SLC26A7: variants seen among roughly 807,000 people sequenced by gnomAD.
SLC26A7 encodes the protein solute carrier family 26 member 7, also known as anion exchange transporter.
Under a neutral mutation model 82.5 loss-of-function variants are expected in SLC26A7, and 59 were observed. The ratio of observed to expected loss-of-function variants is 0.72; its 90% CI spans 0.58 to 0.89. The LOEUF (loss-of-function observed/expected upper bound fraction) is 0.89, where lower values mean the gene tolerates loss of function less well. SLC26A7 is among the 40% of genes least tolerant of loss of function. The probability of loss-of-function intolerance (pLI) is 0.00; values close to 1 mark genes in which losing one functional copy is unlikely to be tolerated. For synonymous variants in SLC26A7, 271 were observed against 274.3 expected, an observed-to-expected ratio of 0.99 and a Z score of 0.12; for missense variants, 820 against 793.0, an observed-to-expected ratio of 1.03 and a Z score of -0.41.
intron 2 of SLC26A7, among the ~76,000 whole-genome samples, chr8:91,233,384 T>G (rs1810340948): frequency 6.6e-6 from 1 of 151,870 alleles, no homozygotes; most frequent in Admixed American, 6.6e-5. Flanking sequence ...CTGACTAACA[T>G]GGCAAAACGC....
intron 15 of SLC26A7, among the ~76,000 whole-genome samples, chr8:91,378,244 A>T (rs1490369569): frequency 6.6e-6 from 1 of 151,684 alleles, no homozygotes; most frequent in African/African-American, 2.4e-5. Flanking sequence ...CCAAATCATT[A>T]CCTAAACACT....
intron 4 of SLC26A7, among the ~76,000 whole-genome samples, chr8:91,304,303 T>C (rs938501218): frequency 1.4e-4 from 21 of 152,300 alleles, no homozygotes; most frequent in Non-Finnish European, 2.1e-4. Context: ...TGGGAAGTGA[T>C]TGGATCATGG....
At chr8:91,369,872 A>G (rs1586462810) in intron 15 of SLC26A7, 39 bp downstream of exon 15, 1 of 1,498,736 alleles carries the variant, frequency 6.7e-7, no homozygotes, top group Non-Finnish European at 9.2e-7. Flanking sequence ...CTAAGTGTTT[A>G]CCTTGAAGAT....
chr8:91,377,349 G>A lies in SLC26A7; in HGVS notation c.1675+7516G>A, dbSNP rs547623064. 2.6e-5 allele frequency among the ~76,000 whole-genome samples: 4 copies of A among 152,200 alleles called. No homozygotes were observed. The South Asian group carries it at 8.3e-4, about 32-fold the overall frequency. The stretch of plus-strand genomic sequence containing the variant: ...ATCTACGTTTCCTTTGTCCCAGGGG[G>A]GCTTTGGTGAGCTGAGTGCCCACCC... On this transcript the variant is annotated intron_variant, in intron 15 of 18. Transcript: ENST00000276609.
intron 5 of SLC26A7, among the ~76,000 whole-genome samples, chr8:91,322,098 C>T (rs1483632476): frequency 2.6e-5 from 4 of 152,074 alleles, no homozygotes; most frequent in Non-Finnish European, 4.4e-5. Context: ...CTATAGAGGA[C>T]TCTTAATCAG....
intron 4 of SLC26A7, among the ~76,000 whole-genome samples, chr8:91,317,360 C>T (rs79335900): frequency 0.017 from 2,607 of 152,198 alleles, 67 homozygotes; most frequent in African/African-American, 0.058. Flanking sequence ...GATTTGTGGG[C>T]TTCTCAACAC....
intron 15 of SLC26A7, among the ~76,000 whole-genome samples, chr8:91,381,918 C>T (rs1814680676): frequency 6.6e-6 from 1 of 152,020 alleles, no homozygotes; most frequent in Non-Finnish European, 1.5e-5. Context: ...TGATTCTGTC[C>T]TTAATTATGT....
intron 15 of SLC26A7, among the ~76,000 whole-genome samples, chr8:91,387,484 T>G (rs1308405180): frequency 2.6e-5 from 4 of 152,208 alleles, no homozygotes; most frequent in Admixed American, 1.3e-4. Context: ...AAGGCACTAC[T>G]GGAGTACCTG....
chr8:91,250,681 A>C (rs1461961267), intron 2 of SLC26A7, among the ~76,000 whole-genome samples: 1 of 152,104 alleles, frequency 6.6e-6, no homozygotes, highest in African/African-American at 2.4e-5. Context: ...CTGCAGGCTT[A>C]TATTTCCTTG....
In SLC26A7 at chr8:91,334,390, G is replaced by A; in HGVS notation, c.738G>A (p.Glu246=). 2 of 1,613,304 alleles carry A rather than the reference G, an allele frequency of 1.2e-6. No individual in the cohort carries two copies. Among genetic ancestry groups the A allele is most frequent in the African/African-American group, 1.3e-5 (1 of 75,014 alleles). The change falls in exon 6 of 19, where the codon GAG becomes GAA. Residue 246 remains glutamate (E), a synonymous_variant. Transcript: ENST00000276609. The stretch of plus-strand genomic sequence containing the variant: ...TTGTGGTCCTTGTTCTTGTTAAAGA[G>A]CTGAATGAACAGTTTAAAAGGAAAA... ...LSIVVLVLVK[E]LNEQFKRKIK... is the part of the protein sequence containing the mutation.
intron 4 of SLC26A7, among the ~76,000 whole-genome samples, chr8:91,312,241 A>G (rs866325942): frequency 6.6e-6 from 1 of 152,164 alleles, no homozygotes; most frequent in Non-Finnish European, 1.5e-5. Context: ...TTTATTTAGC[A>G]TAATGTCCTC....
chr8:91,288,804 T>C (rs1204797123), intron 2 of SLC26A7, among the ~76,000 whole-genome samples: 2 of 152,220 alleles, frequency 1.3e-5, no homozygotes, highest in Admixed American at 6.5e-5. Context: ...TGTGAAATGC[T>C]TCTAAAATTT....
intron 11 of SLC26A7, among the ~76,000 whole-genome samples, chr8:91,361,850 G>C (rs757059228): frequency 1.3e-5 from 2 of 152,092 alleles, no homozygotes; most frequent in Non-Finnish European, 2.9e-5. Flanking sequence ...TCTAAAAGTG[G>C]CACTGGCAGT....
Position 91,284,206 on chromosome 8 carries a change from T to C in SLC26A7, c.194-4930T>C, listed in dbSNP as rs755419426. ...TTTCTGAGTGGTAATTTCTCTGTCATTGGTCACAAATAAGGTGGGTTAGAT... is the reference window on the plus strand; with the variant it reads ...TTTCTGAGTGGTAATTTCTCTGTCACTGGTCACAAATAAGGTGGGTTAGAT... On this transcript the variant is annotated intron_variant, in intron 2 of 18. Coordinates refer to ENST00000276609, the MANE Select transcript of SLC26A7 (RefSeq NM_052832.4). Among the ~76,000 whole-genome samples the C allele has an allele frequency of 3.2e-4, 49 of 152,296 alleles. 1 individual carries two copies. The highest frequency in any genetic ancestry group is 6.8e-3 in the Middle Eastern group (2 of 294).
At chr8:91,342,359 T>C (rs911116091) in intron 8 of SLC26A7, among the ~76,000 whole-genome samples, 1 of 152,240 alleles carries the variant, frequency 6.6e-6, no homozygotes, top group Non-Finnish European at 1.5e-5. Flanking sequence ...CAGCATTTGC[T>C]TTCCACCACC....
Position 91,366,589 on chromosome 8 carries a change from C to T in SLC26A7, c.1498C>T (p.Gln500Ter), listed in dbSNP as rs774517670. 1.4e-5 allele frequency: 22 copies of T among 1,612,624 alleles called. No homozygotes were observed. In the East Asian group the frequency reaches 4.5e-4, roughly 33 times the overall value. Residue 500 changes from glutamine (Q) to a stop codon, truncating the protein, a stop_gained, in exon 14 of 19, where the codon CAG (glutamine) becomes TAG (stop). Transcript: ENST00000276609. LOFTEE classifies it high-confidence loss of function. Reference protein sequence around the residue: ...VKTEMDSETLQQVKIISINNP... With the variant: ...VKTEMDSETL ...TTTTCTCCTCCAAAAGGAAACCCTGCAGCAGGTGAAAATTATCTCAATAAA... is the reference window on the plus strand; with the variant it reads ...TTTTCTCCTCCAAAAGGAAACCCTGTAGCAGGTGAAAATTATCTCAATAAA...
intron 2 of SLC26A7, among the ~76,000 whole-genome samples, chr8:91,223,475 T>C (rs770400984): frequency 8.5e-5 from 13 of 152,224 alleles, no homozygotes; most frequent in Non-Finnish European, 1.8e-4. Context: ...TTTAGTGTTA[T>C]AAATTTCCCT....
chr8:91,332,429 A>T, intron 5 of SLC26A7, among the ~76,000 whole-genome samples: 1 of 143,542 alleles, frequency 7.0e-6, no homozygotes, highest in Non-Finnish European at 1.5e-5. Flanking sequence ...TTTAATCAAT[A>T]TATATTTAAT....
At position 91,239,798 on chromosome 8, in the gene SLC26A7, G is replaced by A. The variant is rs947226794; in HGVS notation, c.-33-9821G>A. 1.8e-3 allele frequency among the ~76,000 whole-genome samples: 274 copies of A among 152,184 alleles called. 2 individuals are homozygous for A. The highest frequency in any genetic ancestry group is 5.6e-3 in the Admixed American group (86 of 15,288). On this transcript the variant is annotated intron_variant, in intron 2 of 5. Coordinates refer to the SLC26A7 transcript ENST00000522862. ...GGGGCTAAGTAGACAGGTTTGAAAG[G>A]GACTACAAACTGGGTAAGATTGTCC...
Sources: gnomAD v4.1 joint callset for allele counts (sites outside exome capture counted in the v4.1 genomes callset) on GRCh38, gnomAD v4.1.1 for gene constraint, MANE v1.5 for transcripts, NCBI Gene and HGNC (gene_info 2026-07-23, HGNC 2026-07-21) for gene names.